Variants in ADCY7 observed in about 807,000 individuals in gnomAD.
ADCY7 encodes the protein adenylate cyclase 7, also known as adenylate cyclase type 7.
In ADCY7, 72 loss-of-function variants were observed where a neutral mutation model predicts 120.6. That is an observed-to-expected ratio of 0.60 (90% CI 0.49 to 0.73). ADCY7 has a LOEUF of 0.73. Ranked by LOEUF, ADCY7 falls within the 30% of genes least tolerant of loss-of-function variation. ADCY7 has a pLI of 0.00. For missense variants in ADCY7, 1,227 were observed against 1,486.0 expected, an observed-to-expected ratio of 0.83 and a Z score of 2.87; for synonymous variants, 661 against 628.0, an observed-to-expected ratio of 1.05 and a Z score of -0.78.
At position 50,309,585 on chromosome 16, in the gene ADCY7, G is replaced by A. The variant is rs367574766; in HGVS notation, c.2099G>A (p.Gly700Asp). 3 of 1,613,760 alleles carry A rather than the reference G, an allele frequency of 1.9e-6. No homozygotes were observed. The highest frequency in any genetic ancestry group is 2.7e-5 in the African/African-American group (2 of 75,062). The change falls in exon 18 of 26, where the codon GGC (glycine) becomes GAC (aspartate). Residue 700 changes from glycine (G) to aspartate (D), a missense_variant. Coordinates refer to ENST00000673801, the MANE Select transcript of ADCY7 (RefSeq NM_001114.5). ...MPFQVPELPV[G>D]NETGLLAASS... Reference sequence around the variant, plus strand: ...TTCCAAGTTCCAGAGCTGCCTGTTGGCAATGAGACAGGCCTACTGGCCGCG... The same window carrying A: ...TTCCAAGTTCCAGAGCTGCCTGTTGACAATGAGACAGGCCTACTGGCCGCG...
chr16:50,313,254 T>C (rs1596996856), intron 22 of ADCY7: 2 of 472,012 alleles, frequency 4.2e-6, no homozygotes, highest in East Asian at 4.6e-5. Context: ...CTGTCTCTAC[T>C]GAAAATACAA....
intron 1 of ADCY7, among the ~76,000 whole-genome samples, chr16:50,247,539 AT>A (rs5816683): frequency 4.5e-5 from 5 of 111,342 alleles, no homozygotes; most frequent in East Asian, 2.6e-4. Flanking sequence ...TAATTTAGTA[AT>A]TTTTTTTTTT....
chr16:50,257,812 G>A (rs781073183), intron 1 of ADCY7, among the ~76,000 whole-genome samples: 5 of 150,420 alleles, frequency 3.3e-5, no homozygotes, highest in South Asian at 2.1e-4. Context: ...ATGCGATTTC[G>A]GTCCACTGCA....
chr16:50,267,257 C>T (rs2033274923), intron 1 of ADCY7, among the ~76,000 whole-genome samples: 1 of 152,176 alleles, frequency 6.6e-6, no homozygotes, highest in African/African-American at 2.4e-5. Context: ...TGGAGTGGGT[C>T]TTTCTGGAGC....
At chr16:50,261,640 C>T (rs7185706), upstream of ADCY7, among the ~76,000 whole-genome samples, 146,060 of 152,220 alleles carry the variant, frequency 0.96, 70,347 homozygotes, top group South Asian at 1. Context: ...CAGCCCCCCA[C>T]GGGCTCCCAG....
intron 2 of ADCY7, 26 bp from the exon 3 acceptor site, chr16:50,290,431 C>T (rs2034871008): frequency 3.1e-6 from 5 of 1,613,326 alleles, no homozygotes; most frequent in Middle Eastern, 1.7e-4. Flanking sequence ...AAAGCCGAGG[C>T]ATTCCTGTCT....
intron 1 of ADCY7, among the ~76,000 whole-genome samples, chr16:50,257,931 G>A (rs1276295204): frequency 1.3e-5 from 2 of 151,912 alleles, no homozygotes; most frequent in Non-Finnish European, 2.9e-5. Flanking sequence ...TTTTTGTAGA[G>A]ACAGGATTTC....
At chr16:50,246,868 G>A (rs975379089) in intron 1 of ADCY7, among the ~76,000 whole-genome samples, 7 of 152,180 alleles carry the variant, frequency 4.6e-5, no homozygotes, top group Non-Finnish European at 8.8e-5. Context: ...CCCTTTACTG[G>A]TTTATGTCTC....
At chr16:50,300,636 GT>G (rs1275224632) in intron 8 of ADCY7, 78 bp from the exon 9 acceptor site, 5 of 1,511,508 alleles carry the variant, frequency 3.3e-6, no homozygotes, top group African/African-American at 1.4e-5. Context: ...ATGCTGCCCT[GT>G]ACCCACCCCA....
intron 1 of ADCY7, chr16:50,246,319 CCT>C (rs1363211523): frequency 2.6e-5 from 4 of 151,858 alleles, no homozygotes; most frequent in Admixed American, 2.6e-4. Context: ...GCGGGTGGCC[CCT>C]CTCCCGGCCC....
At chr16:50,264,219 C>T (rs8057851), upstream of ADCY7, among the ~76,000 whole-genome samples, 4 of 152,208 alleles carry the variant, frequency 2.6e-5, no homozygotes, top group East Asian at 3.9e-4. Context: ...TAAATGGAAA[C>T]GTGCTGAATG....
intron 1 of ADCY7, among the ~76,000 whole-genome samples, chr16:50,249,586 T>G (rs920617741): frequency 2.6e-5 from 4 of 152,354 alleles, no homozygotes; most frequent in Admixed American, 1.3e-4. Flanking sequence ...AGGCTCTGCC[T>G]TTTGGACCTG....
chr16:50,292,463 G>C (rs1332805250), intron 4 of ADCY7, among the ~76,000 whole-genome samples: 2 of 152,146 alleles, frequency 1.3e-5, no homozygotes, highest in East Asian at 3.9e-4. Flanking sequence ...TGCCTCCCTG[G>C]GTGTCCTGGT....
intron 1 of ADCY7, among the ~76,000 whole-genome samples, chr16:50,247,437 C>T (rs373670900): frequency 6.6e-6 from 1 of 152,142 alleles, no homozygotes; most frequent in Non-Finnish European, 1.5e-5. Context: ...TCATGGCTTA[C>T]GGCAACCTCC....
rs189528642 is a variant in ADCY7 at position 50,279,174 on chromosome 16, T to C, written c.-268-8738T>C. 9.2e-5 allele frequency among the ~76,000 whole-genome samples: 14 copies of C among 152,272 alleles called. No homozygotes were observed. The East Asian group carries it at 2.5e-3, about 27-fold the overall frequency. ...GGTGTGAGCCACCGTGCCAGGTCTA[T>C]GGAGCTCTTCTTGTACCTCCCAGCC... On this transcript the variant is annotated intron_variant, in intron 1 of 25. Coordinates refer to ENST00000673801, the MANE Select transcript of ADCY7 (RefSeq NM_001114.5).
At chr16:50,285,836 A>G (rs576749224) in intron 1 of ADCY7, among the ~76,000 whole-genome samples, 7 of 152,264 alleles carry the variant, frequency 4.6e-5, no homozygotes, top group Non-Finnish European at 1.0e-4. Flanking sequence ...ATCCCTGGGG[A>G]GAGAGAGCCC....
At chr16:50,277,308 G>A (rs1158555562) in intron 1 of ADCY7, among the ~76,000 whole-genome samples, 2 of 152,080 alleles carry the variant, frequency 1.3e-5, no homozygotes, top group African/African-American at 2.4e-5. Context: ...ATGTTTGTAC[G>A]ATACATTACT....
At chr16:50,263,772 G>T (rs1182598695), upstream of ADCY7, among the ~76,000 whole-genome samples, 1 of 151,784 alleles carries the variant, frequency 6.6e-6, no homozygotes, top group Non-Finnish European at 1.5e-5. Flanking sequence ...GACTTGCCCT[G>T]CCTCCTATGC....
intron 1 of ADCY7, among the ~76,000 whole-genome samples, chr16:50,271,469 G>A (rs535658941): frequency 1.5e-4 from 23 of 152,296 alleles, no homozygotes; most frequent in African/African-American, 5.1e-4. Context: ...CAGTGCTGCC[G>A]AGATGAACCT....
Sources: allele counts gnomAD v4.1 joint callset (sites outside exome capture counted in the v4.1 genomes callset), GRCh38; gene constraint gnomAD v4.1.1; transcripts MANE v1.5; gene names NCBI Gene and HGNC (gene_info 2026-07-23, HGNC 2026-07-21).